The following PPP2R3A variants were observed in gnomAD, a reference collection of about 807,000 sequenced individuals.
PPP2R3A encodes protein phosphatase 2 regulatory subunit B''alpha.
Under a neutral mutation model 106.9 loss-of-function variants are expected in PPP2R3A, and 80 were observed. That is an observed-to-expected ratio of 0.75 (90% CI 0.62 to 0.90). PPP2R3A has a LOEUF of 0.90. Ranked by LOEUF, PPP2R3A falls within the 40% of genes least tolerant of loss-of-function variation. PPP2R3A has a pLI of 0.00. For synonymous variants in PPP2R3A, 483 were observed against 468.3 expected, an observed-to-expected ratio of 1.03 and a Z score of -0.41; for missense variants, 1,386 against 1,350.4, an observed-to-expected ratio of 1.03 and a Z score of -0.41.
intron 5 of PPP2R3A, among the ~76,000 whole-genome samples, chr3:136,067,805 C>T (rs1936305973): frequency 6.6e-6 from 1 of 152,138 alleles, no homozygotes; most frequent in Admixed American, 6.5e-5. Flanking sequence ...TACCATTTTC[C>T]AATGAAAGGA....
chr3:136,101,569 C>T (rs996555695), intron 10 of PPP2R3A, among the ~76,000 whole-genome samples: 2 of 152,120 alleles, frequency 1.3e-5, no homozygotes, highest in African/African-American at 4.8e-5. Context: ...AGATTACAGG[C>T]ATGCACCACC....
chr3:136,079,592 A>G (rs1293820143), intron 7 of PPP2R3A, among the ~76,000 whole-genome samples: 1 of 151,800 alleles, frequency 6.6e-6, no homozygotes, highest in African/African-American at 2.4e-5. Flanking sequence ...TATTTTTAGT[A>G]GAAATGGGAT....
intron 1 of PPP2R3A, among the ~76,000 whole-genome samples, chr3:135,967,244 G>A (rs1418243587): frequency 6.6e-6 from 1 of 152,072 alleles, no homozygotes; most frequent in Non-Finnish European, 1.5e-5. Flanking sequence ...CTAGGAGAAC[G>A]GGGAAACAGA....
At chr3:136,077,944 C>T (rs532123494) in intron 6 of PPP2R3A, among the ~76,000 whole-genome samples, 50 of 152,260 alleles carry the variant, frequency 3.3e-4, no homozygotes, top group African/African-American at 1.1e-3. Context: ...CAGAATAAGG[C>T]CCTCTTGAAT....
At chr3:135,993,081 G>T in intron 1 of PPP2R3A, among the ~76,000 whole-genome samples, 1 of 152,048 alleles carries the variant, frequency 6.6e-6, no homozygotes, top group East Asian at 1.9e-4. Flanking sequence ...AAGAAAAAAT[G>T]ATTAATTGGA....
At chr3:135,988,186 T>C (rs1933005400) in intron 1 of PPP2R3A, among the ~76,000 whole-genome samples, 1 of 151,634 alleles carries the variant, frequency 6.6e-6, no homozygotes, top group Non-Finnish European at 1.5e-5. Context: ...CACAAACAAA[T>C]CTTTTCTTTC....
At chr3:136,127,127 T>A (rs113916811) in intron 13 of PPP2R3A, among the ~76,000 whole-genome samples, 1 of 152,112 alleles carries the variant, frequency 6.6e-6, no homozygotes, top group Non-Finnish European at 1.5e-5. Context: ...GATCACAGCT[T>A]CTCGCCAGCA....
chr3:136,107,431 CTTTTTTTTTTT>C (rs11324496), intron 13 of PPP2R3A, among the ~76,000 whole-genome samples: 2 of 71,422 alleles, frequency 2.8e-5, no homozygotes, highest in South Asian at 6.5e-4. Context: ...TACATGAATT[CTTTTTTTTTTT>C]TTTTTTTTTT....
intron 8 of PPP2R3A, among the ~76,000 whole-genome samples, chr3:136,084,779 A>G (rs1191104764): frequency 1.3e-5 from 2 of 152,210 alleles, no homozygotes; most frequent in East Asian, 3.9e-4. Context: ...AAAGGAGATC[A>G]TTTTGGAACT....
At chr3:135,970,834 G>A (rs181013406) in intron 1 of PPP2R3A, among the ~76,000 whole-genome samples, 4 of 152,228 alleles carry the variant, frequency 2.6e-5, no homozygotes, top group South Asian at 2.1e-4. Context: ...CCTCTCCCAC[G>A]TTCTTAGGGG....
intron 13 of PPP2R3A, among the ~76,000 whole-genome samples, chr3:136,109,156 TA>T (rs1432407873): frequency 1.3e-5 from 2 of 152,156 alleles, no homozygotes; most frequent in Non-Finnish European, 2.9e-5. Flanking sequence ...AATGAGGAAG[TA>T]AATATATGTG....
chr3:136,083,287 C>T (rs1226103440), intron 8 of PPP2R3A, among the ~76,000 whole-genome samples: 1 of 152,138 alleles, frequency 6.6e-6, no homozygotes, highest in African/African-American at 2.4e-5. Context: ...GTGGCAGGGA[C>T]CTGGTGGCAG....
At chr3:136,061,755 C>T (rs1367379517) in intron 5 of PPP2R3A, among the ~76,000 whole-genome samples, 1 of 151,772 alleles carries the variant, frequency 6.6e-6, no homozygotes, top group Non-Finnish European at 1.5e-5. Flanking sequence ...CCTGTCTCTA[C>T]TAAAAATACA....
chr3:136,064,209 T>C (rs573707530), intron 5 of PPP2R3A, among the ~76,000 whole-genome samples: 85 of 138,538 alleles, frequency 6.1e-4, no homozygotes, highest in Non-Finnish European at 5.1e-4. Flanking sequence ...TAGGTGGGAA[T>C]TGAACAATGA....
At chr3:136,031,158 G>T (rs1000916979) in intron 3 of PPP2R3A, among the ~76,000 whole-genome samples, 7 of 151,996 alleles carry the variant, frequency 4.6e-5, no homozygotes, top group Non-Finnish European at 1.0e-4. Context: ...TGTTTTTTCA[G>T]GGGTAAGGTG....
chr3:136,006,617 G>C (rs1158280698), intron 2 of PPP2R3A, among the ~76,000 whole-genome samples: 1 of 152,180 alleles, frequency 6.6e-6, no homozygotes, highest in African/African-American at 2.4e-5. Context: ...TCCATGGACT[G>C]AAGTTTGTCA....
chr3:136,007,702 A>G (rs533458047), intron 2 of PPP2R3A, among the ~76,000 whole-genome samples: 216 of 152,284 alleles, frequency 1.4e-3, no homozygotes, highest in African/African-American at 4.8e-3. Context: ...CGCTATATAC[A>G]AGCTCTTTGT....
intron 13 of PPP2R3A, among the ~76,000 whole-genome samples, chr3:136,112,831 C>A (rs968183227): frequency 6.6e-6 from 1 of 152,072 alleles, no homozygotes; most frequent in African/African-American, 2.4e-5. Context: ...TTGAAAAAAA[C>A]TATTACAAAA....
intron 4 of PPP2R3A, among the ~76,000 whole-genome samples, chr3:136,046,091 C>T (rs1935461777): frequency 6.6e-6 from 1 of 152,080 alleles, no homozygotes; most frequent in South Asian, 2.1e-4. Flanking sequence ...GCAGGAGGAT[C>T]ACTTGAGCCC....
Sources: allele counts gnomAD v4.1 joint callset (sites outside exome capture counted in the v4.1 genomes callset), GRCh38; gene constraint gnomAD v4.1.1; transcripts MANE v1.5; gene names NCBI Gene and HGNC (gene_info 2026-07-23, HGNC 2026-07-21).